Variants in LRRFIP2 observed in about 807,000 individuals in gnomAD.
LRRFIP2 encodes leucine-rich repeat flightless-interacting protein 2.
A neutral mutation model predicts 125.9 loss-of-function variants in LRRFIP2; 109 were observed. That is an observed-to-expected ratio of 0.87 (90% CI 0.74 to 1.01). The LOEUF is 1.01. Ranked by LOEUF, LRRFIP2 falls within the 50% of genes least tolerant of loss-of-function variation. The probability of loss-of-function intolerance (pLI) is 0.00; values close to 1 mark genes in which losing one functional copy is unlikely to be tolerated. For synonymous variants in LRRFIP2, 291 were observed against 293.1 expected, an observed-to-expected ratio of 0.99 and a Z score of 0.07; for missense variants, 850 against 862.3, an observed-to-expected ratio of 0.99 and a Z score of 0.18.
intron 1 of LRRFIP2, among the ~76,000 whole-genome samples, chr3:37,169,847 A>G (rs2096561331): frequency 6.6e-6 from 1 of 151,866 alleles, no homozygotes; most frequent in South Asian, 2.1e-4. Context: ...TCTTTAATGA[A>G]GGTGTTTATA....
intron 4 of LRRFIP2, among the ~76,000 whole-genome samples, chr3:37,124,927 A>C (rs2095218452): frequency 6.6e-6 from 1 of 152,160 alleles, no homozygotes; most frequent in East Asian, 1.9e-4. Context: ...CTGTGTTCTT[A>C]GGTGCCAGTT....
Position 37,096,645 on chromosome 3 carries a change from C to A in LRRFIP2, c.889G>T (p.Asp297Tyr). ...GTATAATTTTCAGCATACTGTTTGT[C>A]AGATTTTTCATCCAACTAGAAAAGA... ...PDLSSLDEKS[D>Y]KQYAENYTRP... Residue 297 changes from aspartate to tyrosine, a missense_variant, in exon 16 of 28, where the codon GAC (aspartate) becomes TAC (tyrosine). Asp to Tyr is a radical substitution (Grantham distance 160, BLOSUM62 -3). Transcript: ENST00000336686. The A allele has an allele frequency of 6.4e-7, 1 of 1,569,352 alleles. No individual in the cohort carries two copies. Among genetic ancestry groups the A allele is most frequent in the South Asian group, 1.1e-5 (1 of 87,268 alleles).
chr3:37,084,086 A>G (rs919027535), intron 18 of LRRFIP2, among the ~76,000 whole-genome samples: 4 of 152,208 alleles, frequency 2.6e-5, no homozygotes, highest in Admixed American at 2.6e-4. Context: ...GCAACAACAT[A>G]TATCTGTAAG....
At chr3:37,061,826 C>T (rs1396242901) in intron 24 of LRRFIP2, among the ~76,000 whole-genome samples, 3 of 152,144 alleles carry the variant, frequency 2.0e-5, no homozygotes, top group Admixed American at 6.6e-5. Flanking sequence ...CAGTCATATA[C>T]CAGATCTCAT....
chr3:37,165,809 G>C (rs553112), intron 1 of LRRFIP2, among the ~76,000 whole-genome samples: 7 of 50,524 alleles, frequency 1.4e-4, no homozygotes, highest in Non-Finnish European at 2.7e-4. Context: ...AAGAAAGAAA[G>C]AAAGAAAGAA....
At chr3:37,145,968 A>G (rs931229820) in intron 2 of LRRFIP2, among the ~76,000 whole-genome samples, 2 of 152,274 alleles carry the variant, frequency 1.3e-5, no homozygotes, top group Admixed American at 1.3e-4. Flanking sequence ...AAATGAATTA[A>G]TGCATGTAAA....
At chr3:37,091,684 C>T (rs1009142559) in intron 17 of LRRFIP2, 146 bp from the exon 18 acceptor site, 2 of 611,028 alleles carry the variant, frequency 3.3e-6, no homozygotes, top group African/African-American at 3.7e-5. Flanking sequence ...ACTCCCACTC[C>T]CAACCACTGA....
At chr3:37,176,306 G>A (rs1261516442), upstream of LRRFIP2, 5 of 152,402 alleles carry the variant, frequency 3.3e-5, no homozygotes, top group South Asian at 2.1e-4. Context: ...AGGAGCCGCA[G>A]CCTGAGCGGC....
At position 37,141,454 on chromosome 3, in the gene LRRFIP2, C is replaced by T. The variant is rs115650013; in HGVS notation, c.90+7440G>A. Among the ~76,000 whole-genome samples, 485 of 152,236 alleles carry T rather than the reference C, an allele frequency of 3.2e-3. 4 individuals are homozygous for T. Among genetic ancestry groups the T allele is most frequent in the African/African-American group, 0.011 (457 of 41,548 alleles). On this transcript the variant is annotated intron_variant, in intron 2 of 27. Transcript: ENST00000336686. ...CCATAGTGCTAGCTGTTTTACACCC[C>T]GGTGTCTATAGAGCTCTTAGAAGGC... is the stretch of plus-strand genomic sequence containing the variant.
chr3:37,108,144 A>G lies in LRRFIP2; in HGVS notation c.658-15T>C. On this transcript the variant is annotated splice_polypyrimidine_tract_variant and intron_variant, in intron 12 of 27. Transcript: ENST00000336686. ...CATTCAGATGGCTATAAAGTTTCCA[A>G]GAAGAAAGGTTTTACAACAATGATC... 6.2e-7 allele frequency: 1 copy of G among 1,607,094 alleles called. No individual in the cohort carries two copies. Among genetic ancestry groups the G allele is most frequent in the Non-Finnish European group, 8.5e-7 (1 of 1,173,750 alleles).
At chr3:37,136,588 A>G (rs2095559684) in intron 2 of LRRFIP2, among the ~76,000 whole-genome samples, 1 of 152,164 alleles carries the variant, frequency 6.6e-6, no homozygotes, top group Non-Finnish European at 1.5e-5. Context: ...TATTAATAAC[A>G]AGTTTGGAAA....
intron 17 of LRRFIP2, 109 bp from the exon 18 acceptor site, chr3:37,091,647 G>T: frequency 1.3e-6 from 1 of 742,738 alleles, no homozygotes. Context: ...CAGACTAAAA[G>T]CAGAGAAATC....
At chr3:37,105,353 T>G in intron 14 of LRRFIP2, 102 bp downstream of exon 14, 1 of 985,820 alleles carries the variant, frequency 1.0e-6, no homozygotes, top group Non-Finnish European at 1.6e-6. Context: ...GAAAATGCTC[T>G]TTTTGTCAAA....
At chr3:37,093,484 T>C (rs1358522669) in intron 17 of LRRFIP2, among the ~76,000 whole-genome samples, 1 of 152,164 alleles carries the variant, frequency 6.6e-6, no homozygotes, top group Non-Finnish European at 1.5e-5. Context: ...TAAATTTCTC[T>C]CTCCCTACCA....
intron 18 of LRRFIP2, among the ~76,000 whole-genome samples, chr3:37,085,626 G>C (rs2092988744): frequency 6.6e-6 from 1 of 150,926 alleles, no homozygotes; most frequent in African/African-American, 2.4e-5. Context: ...TTATTGCCCG[G>C]GCTGGAGTGC....
chr3:37,080,208 C>T (rs919556301), intron 19 of LRRFIP2, among the ~76,000 whole-genome samples: 15 of 151,866 alleles, frequency 9.9e-5, no homozygotes, highest in Non-Finnish European at 2.1e-4. Flanking sequence ...ACCAGCCTGA[C>T]CAACAAAGTG....
chr3:37,112,342 GA>G (rs1047682083), intron 8 of LRRFIP2, among the ~76,000 whole-genome samples: 13 of 129,762 alleles, frequency 1.0e-4, no homozygotes, highest in South Asian at 2.5e-4. Context: ...CTCAAAAAAA[GA>G]AAAAAAAAAA....
intron 1 of LRRFIP2, among the ~76,000 whole-genome samples, chr3:37,168,769 A>G (rs2096544518): frequency 6.6e-6 from 1 of 152,206 alleles, no homozygotes; most frequent in South Asian, 2.1e-4. Flanking sequence ...GCTGTCCTAT[A>G]CACGTGTGCC....
intron 15 of LRRFIP2, among the ~76,000 whole-genome samples, chr3:37,099,926 C>T (rs958207440): frequency 1.3e-5 from 2 of 152,042 alleles, no homozygotes; most frequent in South Asian, 2.1e-4. Flanking sequence ...ATTCTGAATT[C>T]GTTGCCAGCA....
Sources: gnomAD v4.1 joint callset for allele counts (sites outside exome capture counted in the v4.1 genomes callset) on GRCh38, gnomAD v4.1.1 for gene constraint, MANE v1.5 for transcripts, NCBI Gene and HGNC (gene_info 2026-07-23, HGNC 2026-07-21) for gene names.